Variants in GRIP2 observed in about 807,000 individuals in gnomAD.
GRIP2 encodes glutamate receptor interacting protein 2.
A neutral mutation model predicts 108.3 loss-of-function variants in GRIP2; 58 were observed. That is an observed-to-expected ratio of 0.54 (90% CI 0.43 to 0.67). The LOEUF (loss-of-function observed/expected upper bound fraction) is 0.67. GRIP2 is among the 30% of genes least tolerant of loss of function. GRIP2 has a pLI of 0.00. For missense variants in GRIP2, 1,278 were observed against 1,430.6 expected, an observed-to-expected ratio of 0.89 and a Z score of 1.72; for synonymous variants, 586 against 598.2, an observed-to-expected ratio of 0.98 and a Z score of 0.30.
chr3:14,509,548 A>G (rs1694025073), intron 17 of GRIP2, among the ~76,000 whole-genome samples: 1 of 152,262 alleles, frequency 6.6e-6, no homozygotes, highest in Admixed American at 6.5e-5. Context: ...AGACACAGGT[A>G]GGAGCAGGAA....
chr3:14,499,341 G>C (rs950277904), intron 21 of GRIP2, among the ~76,000 whole-genome samples: 1 of 152,150 alleles, frequency 6.6e-6, no homozygotes, highest in African/African-American at 2.4e-5. Flanking sequence ...GTGCAGTGAT[G>C]AGATGAAAAA....
At chr3:14,548,947 A>G (rs1695099986) in intron 1 of GRIP2, among the ~76,000 whole-genome samples, 1 of 152,118 alleles carries the variant, frequency 6.6e-6, no homozygotes, top group African/African-American at 2.4e-5. Flanking sequence ...CCCTCCACCC[A>G]GAGGCCCACC....
rs879601308 is a variant in GRIP2 at position 14,547,856 on chromosome 3, G to A, written c.55+8044C>T. On this transcript the variant is annotated intron_variant, in intron 1 of 23. Coordinates refer to the GRIP2 transcript ENST00000637182. Reference sequence around the variant, plus strand: ...GGATGCAGTGGCCCCTCCCTGCCCTGTCCTAGAGAATGTTGTCAAGAAACC... The same window carrying A: ...GGATGCAGTGGCCCCTCCCTGCCCTATCCTAGAGAATGTTGTCAAGAAACC... 1.4e-4 allele frequency among the ~76,000 whole-genome samples: 22 copies of A among 152,338 alleles called. 1 individual carries two copies. Among genetic ancestry groups the A allele is most frequent in the Admixed American group, 5.9e-4 (9 of 15,308 alleles).
Position 14,505,558 on chromosome 3 carries a change from C to A in GRIP2, c.2573+57G>T. On this transcript the variant is annotated intron_variant, in intron 20 of 23. Transcript: ENST00000621039. The surrounding 1 kb of genome is among the most constrained non-coding windows in gnomAD (Gnocchi z 4.2). ...ACCACTTTGGCACAGGCACCCTCGC[C>A]CACCCCAGCCAAGACACTGTGACTC... The A allele has an allele frequency of 6.4e-7, 1 of 1,558,150 alleles. No homozygotes were observed. The highest frequency in any genetic ancestry group is 8.7e-7 in the Non-Finnish European group (1 of 1,149,184).
At chr3:14,528,029 C>T (rs1694611018) in intron 1 of GRIP2, among the ~76,000 whole-genome samples, 2 of 152,142 alleles carry the variant, frequency 1.3e-5, no homozygotes, top group Admixed American at 6.5e-5. Context: ...TTCTATTGGC[C>T]CCCAAAATTC....
chr3:14,501,736 AT>A (rs1320142898), intron 21 of GRIP2, among the ~76,000 whole-genome samples: 1 of 152,130 alleles, frequency 6.6e-6, no homozygotes, highest in Non-Finnish European at 1.5e-5. Context: ...TGATTTACTT[AT>A]TTTTTATTAC....
intron 21 of GRIP2, among the ~76,000 whole-genome samples, chr3:14,497,544 G>C (rs1205443511): frequency 2.6e-5 from 4 of 152,354 alleles, no homozygotes; most frequent in African/African-American, 9.6e-5. Context: ...GCTGGTGGTG[G>C]CTGGGGGCCA....
chr3:14,543,582 A>G (rs1695012370), upstream of GRIP2, among the ~76,000 whole-genome samples: 1 of 152,266 alleles, frequency 6.6e-6, no homozygotes, highest in Admixed American at 6.5e-5. Flanking sequence ...CTTCTTGTCC[A>G]ATGCTGCCAA....
the GRIP2 span, chr3:14,574,121 G>A: frequency 6.8e-6 from 7 of 1,026,804 alleles, no homozygotes; most frequent in Non-Finnish European, 1.1e-5. Flanking sequence ...CATGCTGTGA[G>A]AAGTCCACGG....
the GRIP2 span, chr3:14,572,858 C>G: frequency 8.6e-7 from 1 of 1,160,944 alleles, no homozygotes; most frequent in Non-Finnish European, 1.3e-6. Context: ...CTCGGTGGAG[C>G]TGAGCATCCA....
intron 10 of GRIP2, 112 bp downstream of exon 10, chr3:14,517,660 C>T (rs1694291815): frequency 1.4e-6 from 2 of 1,392,062 alleles, no homozygotes; most frequent in African/African-American, 1.4e-5. Context: ...CACCACCACA[C>T]CCAGCTCACT....
intron 1 of GRIP2, among the ~76,000 whole-genome samples, chr3:14,538,977 C>T (rs911827829): frequency 5.3e-5 from 8 of 152,190 alleles, no homozygotes; most frequent in Non-Finnish European, 1.0e-4. Flanking sequence ...CCACAGCAGA[C>T]CAAGGTGACC....
chr3:14,553,799 TCTC>T (rs200228236), intron 1 of GRIP2, among the ~76,000 whole-genome samples: 1,817 of 152,260 alleles, frequency 0.012, 38 homozygotes, highest in African/African-American at 0.04. Context: ...CTTGGATTCT[TCTC>T]CTTGAGGTTT....
chr3:14,540,440 C>T, upstream of GRIP2: 2 of 1,583,164 alleles, frequency 1.3e-6, no homozygotes, highest in Non-Finnish European at 1.7e-6. This position sits in a 1 kb window ranked among gnomAD's most constrained non-coding sequence, Gnocchi z 4.1. Context: ...CGAGTCCACC[C>T]ACTGCAGCGG....
intron 1 of GRIP2, among the ~76,000 whole-genome samples, chr3:14,537,664 C>G (rs1406347130): frequency 6.6e-6 from 1 of 152,236 alleles, no homozygotes; most frequent in Non-Finnish European, 1.5e-5. Flanking sequence ...GCCACAGCCC[C>G]TGCTGTGGAG....
At chr3:14,593,086 C>A in the GRIP2 span, among the ~76,000 whole-genome samples, 1 of 152,322 alleles carries the variant, frequency 6.6e-6, no homozygotes, top group East Asian at 1.9e-4. Context: ...CCACTGGGAA[C>A]TAATGTCATC....
In GRIP2 at chr3:14,523,697, A is replaced by G. The variant is rs1291214601; in HGVS notation, c.405T>C (p.Ala135=). The part of the protein sequence containing the change: ...LEVEYELPPP[A]PENNPRIISK... ...AAATGATCCTGGGGTTATTCTCAGG[A>G]GCTGGGGAGAAATGGAGGACTCCTT... The change falls in exon 5 of 24, where the codon GCT becomes GCC. Residue 135 remains alanine, a splice_region_variant and synonymous_variant. Transcript: ENST00000621039. 3.1e-6 allele frequency: 5 copies of G among 1,607,928 alleles called. No homozygotes were observed. The Admixed American group carries it at 8.4e-5, about 27-fold the overall frequency.
the GRIP2 span, among the ~76,000 whole-genome samples, chr3:14,568,526 G>A: frequency 1.3e-5 from 2 of 152,152 alleles, no homozygotes; most frequent in African/African-American, 4.8e-5. Flanking sequence ...ATCTGGTTCC[G>A]AGGCCTGTGC....
rs747503091 is a variant in GRIP2 at position 14,505,618 on chromosome 3, G to A, written c.2570C>T (p.Thr857Met). The A allele has an allele frequency of 6.0e-5, 96 of 1,609,526 alleles. No homozygotes were observed. The highest frequency in any genetic ancestry group is 3.3e-4 in the Middle Eastern group (2 of 6,080). ...TCACGGTGCTCCCACCACAGACCTCGTTGGCGGCTCCCAATCATCCTCCTC... is the reference window on the plus strand; with the variant it reads ...TCACGGTGCTCCCACCACAGACCTCATTGGCGGCTCCCAATCATCCTCCTC... Reference protein sequence around the residue: ...EEEEDDWEPPTSPAPGPAREE... With the variant: ...EEEEDDWEPPMSPAPGPAREE... Residue 857 changes from threonine (T) to methionine (M), a missense_variant, in exon 20 of 24, where the codon ACG becomes ATG. Physicochemically the swap from Thr to Met is moderately conservative, Grantham distance 81. Transcript: ENST00000621039. This position sits in a 1 kb window ranked among gnomAD's most constrained non-coding sequence, Gnocchi z 4.2.
Sources: allele counts gnomAD v4.1 joint callset (sites outside exome capture counted in the v4.1 genomes callset), GRCh38; gene constraint gnomAD v4.1.1; non-coding constraint Gnocchi (gnomAD v3.1); transcripts MANE v1.5; gene names NCBI Gene and HGNC (gene_info 2026-07-23, HGNC 2026-07-21).